SCN2A: variants seen among roughly 807,000 people sequenced by gnomAD.
SCN2A encodes the protein sodium channel protein type 2 subunit alpha.
In SCN2A, 20 loss-of-function variants were observed where a neutral mutation model predicts 188.7. The observed-to-expected ratio is 0.11, with a 90% confidence interval of 0.07 to 0.15. The LOEUF is 0.15. Ranked by LOEUF, SCN2A falls within the 10% of genes least tolerant of loss-of-function variation. The pLI, the probability that SCN2A is intolerant of heterozygous loss-of-function variation, is 1.00. For missense variants in SCN2A, 1,278 were observed against 2,445.0 expected (o/e 0.52, Z 10.07); for synonymous variants, 804 against 833.1 (o/e 0.97, Z 0.60).
chr2:165,367,129 G>C, intron 18 of SCN2A, 88 bp from the exon 19 acceptor site: 1 of 1,224,780 alleles, frequency 8.2e-7, no homozygotes, highest in East Asian at 2.4e-5. Flanking sequence ...GTATTATCAG[G>C]TAATAATGTA....
chr2:165,365,063 G>GTT (rs1700651539), intron 17 of SCN2A, 80 bp from the exon 18 acceptor site: 1 of 1,272,372 alleles, frequency 7.9e-7, no homozygotes, highest in South Asian at 1.3e-5. Context: ...AGAAGATGGG[G>GTT]GGGGGGCACA....
rs73969397 is a variant in SCN2A, at chr2:165,386,698, A to T, written c.4552-48A>T. 4,047 of 1,567,980 alleles carry T rather than the reference A, an allele frequency of 2.6e-3. 85 individuals carry two copies. In the African/African-American group the frequency reaches 0.048, roughly 19 times the overall value. ...CTTAAAATCAGAAGAATTGAATTCG[A>T]TTTTTTTTAAGGTTTCTAATGGAAC... On this transcript the variant is annotated intron_variant, in intron 25 of 26. Coordinates refer to ENST00000375437, the MANE Select transcript of SCN2A (RefSeq NM_001040142.2).
chr2:165,375,440 C>T (rs1333701811), intron 22 of SCN2A, among the ~76,000 whole-genome samples: 3 of 151,530 alleles, frequency 2.0e-5, no homozygotes, highest in Non-Finnish European at 4.4e-5. Context: ...TCTATATACA[C>T]ACGTATAGAT....
chr2:165,360,636 T>A (rs1373299567), intron 17 of SCN2A, among the ~76,000 whole-genome samples: 1 of 151,930 alleles, frequency 6.6e-6, no homozygotes, highest in African/African-American at 2.4e-5. Flanking sequence ...TCCTATTTGA[T>A]CTCGTTATTG....
chr2:165,274,784 G>A (rs1271381119), intron 1 of SCN2A, among the ~76,000 whole-genome samples: 3 of 152,154 alleles, frequency 2.0e-5, no homozygotes, highest in Middle Eastern at 3.2e-3. Flanking sequence ...TTTCATATCC[G>A]TAAAGCTGTT....
Position 165,250,306 on chromosome 2 carries a change from T to C in SCN2A, c.-52+10666T>C, listed in dbSNP as rs193250496. 2.4e-3 allele frequency among the ~76,000 whole-genome samples: 372 copies of C among 152,210 alleles called. 2 individuals are homozygous for C. The highest frequency in any genetic ancestry group is 8.6e-3 in the African/African-American group (358 of 41,562). The stretch of plus-strand genomic sequence containing the variant: ...TAACTATGTCCTACTTCAAGTGACC[T>C]ATTAAAATAGCTCTCAATAGTTTGC... On this transcript the variant is annotated intron_variant, in intron 1 of 26. Transcript: ENST00000375437.
chr2:165,325,808 C>A (rs1193899500), intron 12 of SCN2A, among the ~76,000 whole-genome samples: 1 of 151,938 alleles, frequency 6.6e-6, no homozygotes, highest in Non-Finnish European at 1.5e-5. Context: ...ATAGTTATCA[C>A]CATTAGTGAC....
intron 14 of SCN2A, among the ~76,000 whole-genome samples, chr2:165,335,967 A>T (rs1698966116): frequency 6.6e-6 from 1 of 151,928 alleles, no homozygotes. Context: ...AAGGAGTTAG[A>T]CAAAAGGCCA....
chr2:165,291,510 TCTTC>T (rs1559340464), intron 1 of SCN2A, among the ~76,000 whole-genome samples: 151 of 133,664 alleles, frequency 1.1e-3, no homozygotes, highest in African/African-American at 4.2e-3. Flanking sequence ...TTTCTTTCTT[TCTTC>T]CTCTCCTTTC....
At chr2:165,376,223 G>A (rs999033228) in intron 22 of SCN2A, among the ~76,000 whole-genome samples, 4 of 151,288 alleles carry the variant, frequency 2.6e-5, no homozygotes, top group South Asian at 2.1e-4. Flanking sequence ...TATAAGAAGC[G>A]ATAATTATAT....
In SCN2A at chr2:165,354,682, TTAAA is replaced by T. The variant is rs766114865; in HGVS notation, c.3399+15_3399+18del. The T allele has an allele frequency of 1.2e-6, 2 of 1,612,132 alleles. No individual in the cohort carries two copies. Among genetic ancestry groups the T allele is most frequent in the East Asian group, 2.2e-5 (1 of 44,826 alleles). ...GAGGAAAGCAAAGAGGTAAAAATGT[TTAAA>T]TAAGGAGATATTTTGGTGTTATATA... On this transcript the variant is annotated intron_variant, in intron 17 of 26. Transcript: ENST00000375437.
intron 1 of SCN2A, among the ~76,000 whole-genome samples, chr2:165,247,010 T>G (rs528483530): frequency 5.3e-5 from 8 of 152,230 alleles, no homozygotes; most frequent in African/African-American, 1.7e-4. Flanking sequence ...CCCCACAGGT[T>G]TCTATCACTG....
rs1559340615 is a variant in SCN2A, at chr2:165,291,538, T to TC, written c.-51-4235_-51-4234insC. Among the ~76,000 whole-genome samples, 46 of 65,280 alleles carry TC rather than the reference T, an allele frequency of 7.0e-4. 1 individual carries two copies. Among genetic ancestry groups the TC allele is most frequent in the East Asian group, 2.9e-3 (5 of 1,714 alleles). The allele number at this position is 65,280 out of a possible 152,430, so 42.8% of individuals were successfully genotyped here. On this transcript the variant is annotated intron_variant, in intron 1 of 26. Transcript: ENST00000375437. ...TCCTCTCCTTTCTTTCCTTCCTTCC[T>TC]TCCTTCCTTCCTTCCTTCCTTCCTT...
At chr2:165,262,401 C>T (rs1301225363) in intron 1 of SCN2A, among the ~76,000 whole-genome samples, 1 of 152,020 alleles carries the variant, frequency 6.6e-6, no homozygotes, top group Non-Finnish European at 1.5e-5. Context: ...CCTCAAAGTC[C>T]ATTGTATCAT....
At position 165,313,971 on chromosome 2, in the gene SCN2A, C is replaced by T. The variant is rs902180317; in HGVS notation, c.1246C>T (p.Leu416=). ...GGTCATTTTCTTGGGCTCATTCTAT[C>T]TAATAAATTTGATCTTGGCTGTGGT... The part of the protein sequence containing the change: ...VLVIFLGSFY[L]INLILAVVAM... Residue 416 remains leucine, a synonymous_variant, in exon 10 of 27, where the codon CTA becomes TTA. Coordinates refer to ENST00000375437, the MANE Select transcript of SCN2A (RefSeq NM_001040142.2). The T allele has an allele frequency of 2.5e-6, 4 of 1,613,702 alleles. No homozygotes were observed. In the African/African-American group the frequency reaches 5.3e-5, roughly 22 times the overall value.
intron 16 of SCN2A, among the ~76,000 whole-genome samples, chr2:165,353,722 T>G (rs2105336022): frequency 6.6e-6 from 1 of 152,000 alleles, no homozygotes; most frequent in Middle Eastern, 3.4e-3. Context: ...AATAACAACA[T>G]CTCATGAGAA....
intron 1 of SCN2A, among the ~76,000 whole-genome samples, chr2:165,284,373 T>C (rs1695734373): frequency 6.6e-6 from 1 of 152,070 alleles, no homozygotes; most frequent in African/African-American, 2.4e-5. Flanking sequence ...GGTTTCACCA[T>C]GTTAGCAGGA....
intron 22 of SCN2A, 50 bp downstream of exon 22, chr2:165,375,016 A>G (rs764145142): frequency 1.3e-6 from 2 of 1,532,894 alleles, no homozygotes; most frequent in Non-Finnish European, 1.8e-6. Context: ...AAATGAGTCT[A>G]AAGTTTTTCT....
rs114511642 is a variant in SCN2A, at chr2:165,342,844, A to T, written c.2562+375A>T. Among the ~76,000 whole-genome samples, 813 of 152,294 alleles carry T rather than the reference A, an allele frequency of 5.3e-3. 8 individuals carry two copies. The highest frequency in any genetic ancestry group is 0.019 in the African/African-American group (779 of 41,570). ...GGATGAGCTCCCCTTTCTGCCAGGA[A>T]CTAAAGAATTATGGAATTGTTCATT... On this transcript the variant is annotated intron_variant, in intron 15 of 26. Transcript: ENST00000375437.
Sources: gnomAD v4.1 joint callset for allele counts (sites outside exome capture counted in the v4.1 genomes callset) on GRCh38, gnomAD v4.1.1 for gene constraint, MANE v1.5 for transcripts, NCBI Gene and HGNC (gene_info 2026-07-23, HGNC 2026-07-21) for gene names.